The following C7orf57 variants were observed in gnomAD, a reference collection of about 807,000 sequenced individuals.
The protein encoded by C7orf57 is chromosome 7 open reading frame 57.
Under a neutral mutation model 39.0 loss-of-function variants are expected in C7orf57, and 33 were observed. That is an observed-to-expected ratio of 0.85 (90% confidence interval 0.64 to 1.13). The LOEUF is 1.13. Among genes scored for constraint, C7orf57 ranks in the 50% most tolerant of loss-of-function variants. The pLI is 0.00. For synonymous variants in C7orf57, 124 were observed against 137.1 expected, an observed-to-expected ratio of 0.90 and a Z score of 0.67; for missense variants, 346 against 362.3, an observed-to-expected ratio of 0.95 and a Z score of 0.37.
At chr7:48,045,690 C>T (rs1331657764) in intron 4 of C7orf57, among the ~76,000 whole-genome samples, 1 of 152,182 alleles carries the variant, frequency 6.6e-6, no homozygotes, top group Non-Finnish European at 1.5e-5. Context: ...TCAGACACTG[C>T]ATGGGGGGTT....
chr7:48,059,951 T>G (rs1041652622), intron 8 of C7orf57, among the ~76,000 whole-genome samples: 2 of 152,188 alleles, frequency 1.3e-5, no homozygotes, highest in South Asian at 4.1e-4. Context: ...TGTGCTTATG[T>G]CAGCAGAAAC....
At chr7:48,053,789 T>G (rs1326214780) in intron 7 of C7orf57, among the ~76,000 whole-genome samples, 1 of 152,226 alleles carries the variant, frequency 6.6e-6, no homozygotes, top group Admixed American at 6.5e-5. Context: ...AGAATTCATC[T>G]TATTTTTTCA....
intron 4 of C7orf57, among the ~76,000 whole-genome samples, chr7:48,045,520 C>T (rs1173515716): frequency 6.6e-6 from 1 of 152,160 alleles, no homozygotes; most frequent in African/African-American, 2.4e-5. Context: ...CGGAGGCCCC[C>T]AGCCACCTCC....
At chr7:48,052,454 C>A (rs1191898266) in intron 6 of C7orf57, among the ~76,000 whole-genome samples, 1 of 152,076 alleles carries the variant, frequency 6.6e-6, no homozygotes. Flanking sequence ...CATCCCTGTA[C>A]AAGGGATGCT....
intron 5 of C7orf57, among the ~76,000 whole-genome samples, chr7:48,048,717 C>T (rs1790787450): frequency 6.6e-6 from 1 of 152,132 alleles, no homozygotes; most frequent in Admixed American, 6.5e-5. Context: ...TTGCCCCCAG[C>T]ATTTCTACCC....
In C7orf57 at chr7:48,043,391, G is replaced by A. The variant is rs35742419; in HGVS notation, c.242-90G>A. ...GCAACTACAGGGAGACCTACAGTTC[G>A]CCTTGTAAATTGAGCCTATCACTGG... On this transcript the variant is annotated intron_variant, in intron 3 of 8. Coordinates refer to ENST00000348904, the MANE Select transcript of C7orf57 (RefSeq NM_001100159.3). 8.3e-3 allele frequency: 7,732 copies of A among 926,094 alleles called. 60 individuals are homozygous for A. The highest frequency in any genetic ancestry group is 0.011 in the Non-Finnish European group (6,670 of 593,724). The allele number at this position is 926,094 out of a possible 1,614,324, so 57.4% of individuals were successfully genotyped here.
intron 2 of C7orf57, among the ~76,000 whole-genome samples, chr7:48,041,119 T>C (rs1375360756): frequency 1.3e-5 from 2 of 152,118 alleles, no homozygotes; most frequent in Non-Finnish European, 2.9e-5. Flanking sequence ...GTGCCAGTGG[T>C]GGCATCTTGG....
chr7:48,046,474 C>G lies in C7orf57; in HGVS notation c.365C>G (p.Ser122Cys). 2 of 1,613,420 alleles carry G rather than the reference C, an allele frequency of 1.2e-6. No homozygotes were observed. Among genetic ancestry groups the G allele is most frequent in the Non-Finnish European group, 1.7e-6 (2 of 1,179,662 alleles). The change falls in exon 5 of 9, where the codon TCC (serine) becomes TGC (cysteine). Residue 122 changes from serine to cysteine, a missense_variant. By Grantham distance (112) the Ser-to-Cys change is moderately radical. Transcript: ENST00000348904. ...TASQQEVRAV[S>C]MPDYMVHEEF... Reference sequence around the variant, plus strand: ...TGTCCTTGCAGAGTGCGGGCTGTCTCCATGCCGGATTACATGGTTCATGAA... The same window carrying G: ...TGTCCTTGCAGAGTGCGGGCTGTCTGCATGCCGGATTACATGGTTCATGAA...
chr7:48,050,089 C>A (rs1046440401), intron 6 of C7orf57, 112 bp downstream of exon 6: 7 of 735,066 alleles, frequency 9.5e-6, no homozygotes, highest in Non-Finnish European at 1.4e-5. Flanking sequence ...TTCCCGAAGC[C>A]CTGTCTGTGG....
At chr7:48,051,044 G>C (rs1372860994) in intron 6 of C7orf57, among the ~76,000 whole-genome samples, 2 of 152,122 alleles carry the variant, frequency 1.3e-5, no homozygotes, top group African/African-American at 4.8e-5. Flanking sequence ...GTGTGGGTCA[G>C]GATAAGATAT....
At position 48,051,750 on chromosome 7, in the gene C7orf57, T is replaced by TTTCTTTC. The variant is rs1562629527; in HGVS notation, c.606-948_606-947insCTTTCTT. 9.0e-4 allele frequency among the ~76,000 whole-genome samples: 49 copies of TTTCTTTC among 54,682 alleles called. 3 individuals are homozygous for TTTCTTTC. Among genetic ancestry groups the TTTCTTTC allele is most frequent in the East Asian group, 2.9e-3 (6 of 2,074 alleles). 35.9% of individuals were successfully genotyped at this position (54,682 alleles called of 152,430 possible). ...TCTCTTTTTCTTTTCTTTCTTTTTC[T>TTTCTTTC]TTTCTTTCTTTCTTTCTTTCTTTCT... On this transcript the variant is annotated intron_variant, in intron 6 of 8. Coordinates refer to ENST00000348904, the MANE Select transcript of C7orf57 (RefSeq NM_001100159.3).
chr7:48,051,192 CTTTT>C (rs570258697), intron 6 of C7orf57, among the ~76,000 whole-genome samples: 20 of 151,478 alleles, frequency 1.3e-4, no homozygotes, highest in Non-Finnish European at 2.2e-4. Context: ...AATCATTACA[CTTTT>C]TTTGAGATGG....
chr7:48,048,188 G>A (rs569359648), intron 5 of C7orf57, among the ~76,000 whole-genome samples: 1 of 152,294 alleles, frequency 6.6e-6, no homozygotes, highest in East Asian at 1.9e-4. Context: ...ACAGGTAGAG[G>A]GACATGGTGT....
At chr7:48,049,847 C>G in intron 5 of C7orf57, 33 bp from the exon 6 acceptor site, 1 of 1,562,856 alleles carries the variant, frequency 6.4e-7, no homozygotes. Context: ...ATGCTTTCCA[C>G]TAACTCAAGG....
At chr7:48,050,002 C>A (rs745919199) in intron 6 of C7orf57, 25 bp downstream of exon 6, 1 of 1,507,120 alleles carries the variant, frequency 6.6e-7, no homozygotes, top group Non-Finnish European at 9.2e-7. Context: ...TACGCCCTCA[C>A]TGTCTGGACT....
rs748814673 is a variant in C7orf57 at position 48,036,433 on chromosome 7, G to C, written c.55+70G>C. 47 of 1,403,472 alleles carry C rather than the reference G, an allele frequency of 3.3e-5. No individual in the cohort carries two copies. In the Middle Eastern group the frequency reaches 5.6e-4, roughly 17 times the overall value. 86.9% of individuals were successfully genotyped at this position (1,403,472 alleles called of 1,614,324 possible). ...GTGCACTCTGCTTGCTAGACACGCT[G>C]TGGACCCAACGTCCTCTATGTGGGC... On this transcript the variant is annotated intron_variant, in intron 2 of 8. Transcript: ENST00000348904.
intron 8 of C7orf57, among the ~76,000 whole-genome samples, chr7:48,057,026 T>C (rs1233160061): frequency 2.0e-5 from 3 of 152,124 alleles, no homozygotes; most frequent in Admixed American, 2.0e-4. Flanking sequence ...TTACTCTAGC[T>C]TTGTAATATA....
At chr7:48,045,570 C>T (rs1227117972) in intron 4 of C7orf57, among the ~76,000 whole-genome samples, 1 of 152,210 alleles carries the variant, frequency 6.6e-6, no homozygotes, top group African/African-American at 2.4e-5. Flanking sequence ...TACCCCACGC[C>T]TCGACCTTGC....
At chr7:48,042,783 C>G (rs189193951) in intron 3 of C7orf57, among the ~76,000 whole-genome samples, 1 of 152,138 alleles carries the variant, frequency 6.6e-6, no homozygotes. Flanking sequence ...ATTTTGCTGT[C>G]CTTATGATCA....
Sources: gnomAD v4.1 joint callset for allele counts (sites outside exome capture counted in the v4.1 genomes callset) on GRCh38, gnomAD v4.1.1 for gene constraint, MANE v1.5 for transcripts, NCBI Gene and HGNC (gene_info 2026-07-23, HGNC 2026-07-21) for gene names.